The following TMEM232 variants were observed in gnomAD, a reference collection of about 807,000 sequenced individuals.
The protein encoded by TMEM232 is transmembrane protein 232.
TMEM232 carries 80 observed loss-of-function variants against 78.8 expected under a neutral mutation model. The ratio of observed to expected loss-of-function variants is 1.01; its 90% CI spans 0.85 to 1.22. The LOEUF (loss-of-function observed/expected upper bound fraction) is 1.22, where lower values mean the gene tolerates loss of function less well. Ranked by LOEUF, TMEM232 falls within the 50% of genes most tolerant of loss-of-function variation. The pLI, the probability that TMEM232 is intolerant of heterozygous loss-of-function variation, is 0.00. For synonymous variants in TMEM232, 297 were observed against 254.3 expected (o/e 1.17, Z -1.60); for missense variants, 881 against 742.2 (o/e 1.19, Z -2.17).
chr5:110,567,622 T>C (rs941908214), intron 11 of TMEM232, among the ~76,000 whole-genome samples: 12 of 151,908 alleles, frequency 7.9e-5, no homozygotes, highest in Admixed American at 2.6e-4. Flanking sequence ...AATATAGTAG[T>C]CAAGCAGGCT....
intron 12 of TMEM232, among the ~76,000 whole-genome samples, chr5:110,431,496 A>G (rs1274853689): frequency 6.6e-6 from 1 of 151,768 alleles, no homozygotes; most frequent in Non-Finnish European, 1.5e-5. Flanking sequence ...TGTACATAGT[A>G]TGAACCAGGA....
intron 1 of TMEM232, among the ~76,000 whole-genome samples, chr5:110,699,516 A>G (rs1480327283): frequency 6.6e-6 from 1 of 152,056 alleles, no homozygotes; most frequent in Non-Finnish European, 1.5e-5. Flanking sequence ...TTATGGGCAC[A>G]ATTGCAAAGA....
chr5:110,492,509 A>AAAACT (rs1765222152), intron 12 of TMEM232, among the ~76,000 whole-genome samples: 2 of 151,964 alleles, frequency 1.3e-5, no homozygotes, highest in African/African-American at 4.8e-5. Context: ...TGGTTAACTA[A>AAAACT]AAACTAAAGA....
intron 11 of TMEM232, among the ~76,000 whole-genome samples, chr5:110,559,499 TA>T (rs1279190314): frequency 2.6e-5 from 4 of 152,004 alleles, no homozygotes; most frequent in African/African-American, 9.7e-5. Context: ...AAATTCCAAT[TA>T]AAAATGGGAC....
At chr5:110,725,457 G>C (rs1308997769) in intron 1 of TMEM232, 1 of 152,102 alleles carries the variant, frequency 6.6e-6, no homozygotes, top group African/African-American at 2.4e-5. Context: ...CTTCAAGACA[G>C]GAACATTTAT....
chr5:110,531,457 T>C (rs1347323836), intron 11 of TMEM232, among the ~76,000 whole-genome samples: 1 of 152,130 alleles, frequency 6.6e-6, no homozygotes, highest in Non-Finnish European at 1.5e-5. Context: ...AAGAAACATC[T>C]CACTAATTTC....
intron 10 of TMEM232, among the ~76,000 whole-genome samples, chr5:110,589,244 G>C (rs1224692842): frequency 6.6e-6 from 1 of 152,094 alleles, no homozygotes; most frequent in Non-Finnish European, 1.5e-5. Flanking sequence ...ACAGCTAAAT[G>C]TATAGGCTAG....
chr5:110,528,546 G>C, intron 12 of TMEM232, 42 bp downstream of exon 12: 1 of 1,430,054 alleles, frequency 7.0e-7, no homozygotes, highest in Non-Finnish European at 9.1e-7. Context: ...ATTTTGAATT[G>C]TAATGTATTA....
At chr5:110,441,185 G>T (rs151123432) in intron 12 of TMEM232, among the ~76,000 whole-genome samples, 30 of 152,204 alleles carry the variant, frequency 2.0e-4, no homozygotes, top group African/African-American at 6.7e-4. Flanking sequence ...TGTGGGGGTT[G>T]TCCTGTACCT....
chr5:110,653,411 T>G (rs1418471402), intron 2 of TMEM232, among the ~76,000 whole-genome samples: 1 of 152,190 alleles, frequency 6.6e-6, no homozygotes, highest in African/African-American at 2.4e-5. Context: ...GTAAAACTGT[T>G]AGTTATAAGC....
chr5:110,413,378 C>T (rs369435299), intron 2 of TMEM232, among the ~76,000 whole-genome samples: 2 of 152,310 alleles, frequency 1.3e-5, no homozygotes, highest in African/African-American at 4.8e-5. Context: ...GGCTTCCCTA[C>T]TTTTGAGGTT....
chr5:110,588,289 C>T (rs1264405380), intron 10 of TMEM232, among the ~76,000 whole-genome samples: 3 of 151,988 alleles, frequency 2.0e-5, no homozygotes, highest in African/African-American at 7.2e-5. Context: ...GGAAGAATGC[C>T]ATATTTTACT....
chr5:110,416,600 G>T (rs1243497242), downstream of TMEM232, among the ~76,000 whole-genome samples: 1 of 152,164 alleles, frequency 6.6e-6, no homozygotes, highest in Non-Finnish European at 1.5e-5. Context: ...GCAAAGTTCA[G>T]TGAAACTATA....
chr5:110,500,062 C>A (rs1025912829), intron 12 of TMEM232, among the ~76,000 whole-genome samples: 3 of 152,032 alleles, frequency 2.0e-5, no homozygotes, highest in Admixed American at 2.0e-4. Context: ...GAGGCTGAGG[C>A]GGGTGGGACA....
intron 12 of TMEM232, among the ~76,000 whole-genome samples, chr5:110,524,130 G>A (rs1770012479): frequency 6.6e-6 from 1 of 151,134 alleles, no homozygotes; most frequent in South Asian, 2.1e-4. Context: ...AGGCATGGTG[G>A]TGCGTGCCTG....
At chr5:110,411,915 G>A (rs1000723132) in intron 2 of TMEM232, among the ~76,000 whole-genome samples, 1 of 151,952 alleles carries the variant, frequency 6.6e-6, no homozygotes, top group Non-Finnish European at 1.5e-5. Flanking sequence ...TCTTCTATTT[G>A]AGTACTGTAA....
intron 1 of TMEM232, among the ~76,000 whole-genome samples, chr5:110,726,335 A>G (rs143520978): frequency 3.9e-4 from 60 of 152,020 alleles, no homozygotes; most frequent in African/African-American, 1.4e-3. Flanking sequence ...ATTCATAGCA[A>G]TAAGAAAGTT....
At position 110,391,351 on chromosome 5, in the gene TMEM232, C is replaced by T. The variant is rs1268386135; in HGVS notation, n.391-711G>A. Among the ~76,000 whole-genome samples, 3 of 128,638 alleles carry T rather than the reference C, an allele frequency of 2.3e-5. No individual in the cohort carries two copies. The South Asian group carries it at 7.2e-4, about 31-fold the overall frequency. 84.4% of individuals were successfully genotyped at this position (128,638 alleles called of 152,430 possible). The stretch of plus-strand genomic sequence containing the variant: ...TGAGAGAGAGAGAGAGAGAGAGAAA[C>T]CTCTGTGGGACATATCCATATCCTG... On this transcript the variant is annotated intron_variant and non_coding_transcript_variant, in intron 3 of 8. Transcript: ENST00000507188.
At position 110,630,787 on chromosome 5, in the gene TMEM232, A is replaced by G. The variant is rs908820362; in HGVS notation, c.502-2907T>C. On this transcript the variant is annotated intron_variant, in intron 5 of 13. Coordinates refer to ENST00000455884, the MANE Select transcript of TMEM232 (RefSeq NM_001039763.4). Reference sequence around the variant, plus strand: ...CAGAAGGGAAGCAAAATCGGCTGGGAACACATAGGGGCTTGCTATTGGGGG... The same window carrying G: ...CAGAAGGGAAGCAAAATCGGCTGGGGACACATAGGGGCTTGCTATTGGGGG... 4.6e-5 allele frequency among the ~76,000 whole-genome samples: 7 copies of G among 152,120 alleles called. No individual in the cohort carries two copies. In the East Asian group the frequency reaches 1.4e-3, roughly 29 times the overall value.
Sources: allele counts gnomAD v4.1 joint callset (sites outside exome capture counted in the v4.1 genomes callset), GRCh38; gene constraint gnomAD v4.1.1; transcripts MANE v1.5; gene names NCBI Gene and HGNC (gene_info 2026-07-23, HGNC 2026-07-21).